Variants in TACC2 observed in about 807,000 individuals in gnomAD.
The protein encoded by TACC2 is transforming acidic coiled-coil-containing protein 2.
A neutral mutation model predicts 227.3 loss-of-function variants in TACC2; 137 were observed. That is an observed-to-expected ratio of 0.60 (90% confidence interval 0.52 to 0.69). The LOEUF is 0.69. Ranked by LOEUF, TACC2 falls within the 30% of genes least tolerant of loss-of-function variation. The probability of loss-of-function intolerance (pLI) is 0.00; values close to 1 mark genes in which losing one functional copy is unlikely to be tolerated. For missense variants in TACC2, 3,470 were observed against 3,694.4 expected (o/e 0.94, Z 1.57); for synonymous variants, 1,523 against 1,487.5 (o/e 1.02, Z -0.55).
chr10:122,045,273 T>A (rs2074839965), intron 2 of TACC2, among the ~76,000 whole-genome samples: 1 of 152,236 alleles, frequency 6.6e-6, no homozygotes, highest in Non-Finnish European at 1.5e-5. Context: ...ATTGCTATAA[T>A]TCCTTGGAGC....
chr10:122,083,542 T>C lies in TACC2; in HGVS notation c.1042T>C (p.Trp348Arg). The change falls in exon 4 of 23, where the codon TGG becomes CGG. Residue 348 changes from tryptophan to arginine, a missense_variant. Trp to Arg is a moderately radical substitution (Grantham distance 101, BLOSUM62 -3). Coordinates refer to ENST00000369005, the MANE Select transcript of TACC2 (RefSeq NM_206862.4). ...ATATCTGCCGCACGCAGAGCTGCCC[T>C]GGGGCTTGCCAAGTCCTGCCCTGGT... The part of the protein sequence containing the change: ...GAYLPHAELP[W>R]GLPSPALVPE... The C allele has an allele frequency of 3.1e-6, 5 of 1,613,202 alleles. No individual in the cohort carries two copies. The highest frequency in any genetic ancestry group is 4.2e-6 in the Non-Finnish European group (5 of 1,179,990).
intron 9 of TACC2, chr10:122,213,433 T>G (rs1195660192): frequency 2.5e-6 from 4 of 1,582,778 alleles, no homozygotes; most frequent in African/African-American, 1.3e-5. Context: ...TTTTTCTGCC[T>G]TTTGTTTCTG....
chr10:122,128,549 A>T (rs754955400), intron 5 of TACC2, among the ~76,000 whole-genome samples: 5 of 152,166 alleles, frequency 3.3e-5, no homozygotes, highest in Non-Finnish European at 7.4e-5. Flanking sequence ...CCCTGGAATG[A>T]GGCTGACAAG....
rs567569376 is a variant in TACC2, at chr10:122,194,135, G to T, written c.5835-905G>T. Among the ~76,000 whole-genome samples the T allele has an allele frequency of 6.6e-6, 1 of 152,180 alleles. No individual in the cohort carries two copies. Among genetic ancestry groups the T allele is most frequent in the East Asian group, 1.9e-4 (1 of 5,176 alleles). On this transcript the variant is annotated intron_variant, in intron 7 of 22. Transcript: ENST00000369005. This position sits in a 1 kb window ranked among gnomAD's most constrained non-coding sequence, Gnocchi z 4.4. ...AATAGGGCCTCACTGTGTTGCCCAGGCTGGTCTCAAATGCCTGACATCAAG... is the reference window on the plus strand; with the variant it reads ...AATAGGGCCTCACTGTGTTGCCCAGTCTGGTCTCAAATGCCTGACATCAAG...
chr10:122,241,890 G>A (rs1302201082), intron 18 of TACC2, 68 bp from the exon 19 acceptor site: 34 of 1,461,636 alleles, frequency 2.3e-5, no homozygotes, highest in Non-Finnish European at 3.0e-5. Context: ...AGGCTGTGGC[G>A]TCCAGCTGTG....
intron 6 of TACC2, among the ~76,000 whole-genome samples, chr10:122,140,296 C>G (rs1476729349): frequency 6.6e-6 from 1 of 152,222 alleles, no homozygotes; most frequent in East Asian, 1.9e-4. Context: ...TAAGTCATGG[C>G]TGTCTGCTGA....
In TACC2 at chr10:122,155,752, C is replaced by T. The variant is rs17103150; in HGVS notation, c.5834+12046C>T. On this transcript the variant is annotated intron_variant, in intron 7 of 22. Coordinates refer to ENST00000369005, the MANE Select transcript of TACC2 (RefSeq NM_206862.4). The stretch of plus-strand genomic sequence containing the variant: ...TTACAGGAAGGACATCTGGGTTATC[C>T]GAAGGAAATTGTTATCTGAGAAAGG... 9.0e-4 allele frequency among the ~76,000 whole-genome samples: 137 copies of T among 151,826 alleles called. 2 individuals carry two copies. The East Asian group carries it at 0.021, about 24-fold the overall frequency.
At chr10:122,038,467 G>A (rs187150866) in intron 2 of TACC2, among the ~76,000 whole-genome samples, 2 of 152,302 alleles carry the variant, frequency 1.3e-5, no homozygotes, top group Admixed American at 1.3e-4. Flanking sequence ...GAGGGAGTGA[G>A]TAGGTGGGGG....
At chr10:122,159,768 C>G (rs980466263) in intron 7 of TACC2, among the ~76,000 whole-genome samples, 2 of 152,140 alleles carry the variant, frequency 1.3e-5, no homozygotes, top group African/African-American at 4.8e-5. Context: ...CTTAGCTCCT[C>G]CAGATGGGTT....
At chr10:122,047,177 T>C (rs543643835) in intron 2 of TACC2, among the ~76,000 whole-genome samples, 1 of 148,110 alleles carries the variant, frequency 6.8e-6, no homozygotes, top group Admixed American at 7.0e-5. Context: ...TAGTCCCAGC[T>C]ACTTAGGAGG....
intron 3 of TACC2, among the ~76,000 whole-genome samples, chr10:122,076,892 A>T (rs1591741923): frequency 6.6e-6 from 1 of 152,076 alleles, no homozygotes; most frequent in South Asian, 2.1e-4. Flanking sequence ...AGGCGGACGG[A>T]TCACTTGAGC....
In TACC2 at chr10:122,082,982, C is replaced by T. The variant is rs146707567; in HGVS notation, c.482C>T (p.Ser161Phe). The T allele has an allele frequency of 3.0e-5, 49 of 1,612,828 alleles. No homozygotes were observed. In the African/African-American group the frequency reaches 6.1e-4, roughly 20 times the overall value. Reference protein sequence around the residue: ...AAAFPAERDSSTPYQEIAAVP... With the variant: ...AAAFPAERDSFTPYQEIAAVP... ...GCATTTCCCGCTGAGAGGGACAGCTCTACTCCATACCAAGAGATTGCTGCC... is the reference window on the plus strand; with the variant it reads ...GCATTTCCCGCTGAGAGGGACAGCTTTACTCCATACCAAGAGATTGCTGCC... The change falls in exon 4 of 23, where the codon TCT (serine) becomes TTT (phenylalanine). Residue 161 changes from serine (S) to phenylalanine (F), a missense_variant. Coordinates refer to ENST00000369005, the MANE Select transcript of TACC2 (RefSeq NM_206862.4).
chr10:122,216,820 C>T lies in TACC2; in HGVS notation c.7538C>T (p.Pro2513Leu). 1.2e-6 allele frequency: 2 copies of T among 1,614,118 alleles called. No homozygotes were observed. Among genetic ancestry groups the T allele is most frequent in the South Asian group, 2.2e-5 (2 of 91,064 alleles). The change falls in exon 11 of 23, where the codon CCC (proline) becomes CTC (leucine). Residue 2513 changes from proline to leucine, a missense_variant. Pro to Leu is a moderately conservative substitution (Grantham distance 98). Transcript: ENST00000369005. ...TFVNETKFSS[P>L]TEELDYRNSY... ...GTAAACGAGACCAAATTCAGTTCACCCACTGAGGGTAAGCAACTCTGTAGC... is the reference window on the plus strand; with the variant it reads ...GTAAACGAGACCAAATTCAGTTCACTCACTGAGGGTAAGCAACTCTGTAGC...
In TACC2 at chr10:122,097,900, C is replaced by A. The variant is rs188498948; in HGVS notation, c.5573+9309C>A. 3.8e-3 allele frequency among the ~76,000 whole-genome samples: 585 copies of A among 152,236 alleles called. 1 individual carries two copies. The highest frequency in any genetic ancestry group is 4.3e-3 in the Non-Finnish European group (293 of 68,020). ...TCCCCACAGCCAGCTCAGCAGCCAC[C>A]CAGCAAATGTGCACCCAAGCCAGGC... On this transcript the variant is annotated intron_variant, in intron 5 of 22. Coordinates refer to ENST00000369005, the MANE Select transcript of TACC2 (RefSeq NM_206862.4).
intron 1 of TACC2, among the ~76,000 whole-genome samples, chr10:121,991,853 G>A (rs367690643): frequency 3.9e-5 from 6 of 152,206 alleles, no homozygotes; most frequent in East Asian, 3.8e-4. Context: ...TCACAGTTCC[G>A]TGTGGCTGGG....
intron 5 of TACC2, among the ~76,000 whole-genome samples, chr10:122,128,329 A>G (rs769443631): frequency 6.6e-6 from 1 of 152,218 alleles, no homozygotes; most frequent in African/African-American, 2.4e-5. Flanking sequence ...GCTGAGTGTC[A>G]TTGAGCAAGT....
chr10:122,060,268 A>C (rs1019581770), intron 3 of TACC2, among the ~76,000 whole-genome samples: 1 of 152,140 alleles, frequency 6.6e-6, no homozygotes. Context: ...TGCAAGCAAG[A>C]CTGGGGCCAG....
intron 1 of TACC2, among the ~76,000 whole-genome samples, chr10:122,021,188 C>T (rs773472755): frequency 4.0e-5 from 6 of 150,198 alleles, no homozygotes; most frequent in Non-Finnish European, 7.4e-5. Flanking sequence ...GAGATCGTGC[C>T]ACTGCACTCT....
At chr10:122,253,213 T>G (rs2096281993) in intron 22 of TACC2, among the ~76,000 whole-genome samples, 1 of 152,162 alleles carries the variant, frequency 6.6e-6, no homozygotes, top group African/African-American at 2.4e-5. Flanking sequence ...CCCAGTATGC[T>G]GGAGGGATCC....
Sources: allele counts gnomAD v4.1 joint callset (sites outside exome capture counted in the v4.1 genomes callset), GRCh38; gene constraint gnomAD v4.1.1; non-coding constraint Gnocchi (gnomAD v3.1); transcripts MANE v1.5; gene names NCBI Gene and HGNC (gene_info 2026-07-23, HGNC 2026-07-21).